HIPK3: variants seen among roughly 807,000 people sequenced by gnomAD.
The protein encoded by HIPK3 is homeodomain interacting protein kinase 3, also known as homeodomain-interacting protein kinase 3.
In HIPK3, 47 loss-of-function variants were observed where a neutral mutation model predicts 124.2. The observed-to-expected ratio is 0.38, with a 90% CI of 0.30 to 0.48. The LOEUF (loss-of-function observed/expected upper bound fraction) is 0.48, where lower values mean the gene tolerates loss of function less well. Ranked by LOEUF, HIPK3 falls within the 20% of genes least tolerant of loss-of-function variation. HIPK3 has a pLI of 0.98. For synonymous variants in HIPK3, 482 were observed against 515.2 expected (o/e 0.94, Z 0.87); for missense variants, 1,286 against 1,454.3 (o/e 0.88, Z 1.88).
chr11:33,310,268 C>CT (rs1338183894), intron 2 of HIPK3, among the ~76,000 whole-genome samples: 36,020 of 113,310 alleles, frequency 0.32, 5,363 homozygotes, highest in Middle Eastern at 0.42. Context: ...GTCTGTCTGT[C>CT]TGTCTGTCTA....
intron 1 of HIPK3, among the ~76,000 whole-genome samples, chr11:33,284,976 T>C (rs1017797352): frequency 6.6e-6 from 1 of 152,234 alleles, no homozygotes; most frequent in African/African-American, 2.4e-5. Flanking sequence ...TTTGAGTTCC[T>C]ATAGATAGGT....
rs1210105551 is a variant in HIPK3, at chr11:33,348,026, G to T, written c.2306+13G>T. ...AGTGCCAGAACAGGTTGGTATTGGT[G>T]CTTTAGCTTTCCTCTGCATTTTGAG... On this transcript the variant is annotated intron_variant, in intron 11 of 16. Coordinates refer to ENST00000303296, the MANE Select transcript of HIPK3 (RefSeq NM_005734.5). The T allele has an allele frequency of 6.2e-7, 1 of 1,613,782 alleles. No individual in the cohort carries two copies. The highest frequency in any genetic ancestry group is 2.2e-5 in the East Asian group (1 of 44,876).
In HIPK3 at chr11:33,348,231, A is replaced by G. The variant is rs1225902788; in HGVS notation, c.2369+3A>G. On this transcript the variant is annotated splice_donor_region_variant and intron_variant, in intron 12 of 16. Transcript: ENST00000303296. The stretch of plus-strand genomic sequence containing the variant: ...GAGGAAATAAATGCTTTCAGTTGGT[A>G]AGATTGTCTTTATTGCCCTTTTGAT... 3 of 1,612,360 alleles carry G rather than the reference A, an allele frequency of 1.9e-6. No homozygotes were observed. The highest frequency in any genetic ancestry group is 3.3e-5 in the Admixed American group (2 of 59,940).
At chr11:33,311,982 A>T (rs1217827900) in intron 2 of HIPK3, among the ~76,000 whole-genome samples, 2 of 148,106 alleles carry the variant, frequency 1.4e-5, no homozygotes, top group African/African-American at 4.9e-5. Context: ...TTCTACACAC[A>T]CACACACACA....
In HIPK3 at chr11:33,353,475, A is replaced by G. The variant is rs750914854; in HGVS notation, c.3555A>G (p.Pro1185=). ...SPTIHQTQYK[P]IFPPHSYIAA... ...CCATTCATCAGACTCAGTACAAACC[A>G]ATCTTCCCACCACATTCTTACATTG... The change falls in exon 17 of 17, where the codon CCA becomes CCG. Residue 1185 remains proline, a synonymous_variant. Coordinates refer to ENST00000303296, the MANE Select transcript of HIPK3 (RefSeq NM_005734.5). 1.2e-6 allele frequency: 2 copies of G among 1,614,060 alleles called. No homozygotes were observed. The highest frequency in any genetic ancestry group is 1.6e-4 in the Middle Eastern group (1 of 6,062).
At chr11:33,312,580 C>G (rs946812643) in intron 2 of HIPK3, among the ~76,000 whole-genome samples, 1 of 152,134 alleles carries the variant, frequency 6.6e-6, no homozygotes, top group Non-Finnish European at 1.5e-5. Context: ...ATGAAATATA[C>G]AAATGAGAGA....
At chr11:33,293,618 A>G (rs1228613049) in intron 2 of HIPK3, among the ~76,000 whole-genome samples, 2 of 152,114 alleles carry the variant, frequency 1.3e-5, no homozygotes, top group Non-Finnish European at 2.9e-5. Context: ...ACTTTTTATT[A>G]CCAAATAATA....
chr11:33,333,849 A>C (rs1246572996), intron 3 of HIPK3, among the ~76,000 whole-genome samples: 1 of 152,222 alleles, frequency 6.6e-6, no homozygotes, highest in African/African-American at 2.4e-5. Context: ...GTGCTTTTGA[A>C]GATTGGCACC....
intron 2 of HIPK3, among the ~76,000 whole-genome samples, chr11:33,310,715 G>C (rs1233222638): frequency 6.6e-6 from 1 of 152,332 alleles, no homozygotes; most frequent in African/African-American, 2.4e-5. Flanking sequence ...GATAGAGATA[G>C]TACAAATAGT....
In HIPK3 at chr11:33,287,358, G is replaced by C. The variant is rs938522132; in HGVS notation, c.944G>C (p.Ser315Thr). 2.0e-5 allele frequency: 32 copies of C among 1,614,046 alleles called. No homozygotes were observed. Among genetic ancestry groups the C allele is most frequent in the Non-Finnish European group, 2.3e-5 (27 of 1,180,026 alleles). Residue 315 changes from serine (S) to threonine (T), a missense_variant, in exon 2 of 17, where the codon AGT becomes ACT. Physicochemically the swap from Ser to Thr is moderately conservative, Grantham distance 58. This residue lies in a region of HIPK3 where 251 missense variants were observed against 349.1 expected (regional missense o/e 0.72). Coordinates refer to ENST00000303296, the MANE Select transcript of HIPK3 (RefSeq NM_005734.5). ...QVATALKKLKSLGLIHADLKP... is the reference protein window; with the variant it reads ...QVATALKKLKTLGLIHADLKP... Reference sequence around the variant, plus strand: ...GCCACTGCACTGAAAAAATTGAAAAGTCTTGGTTTAATTCATGCTGATCTC... The same window carrying C: ...GCCACTGCACTGAAAAAATTGAAAACTCTTGGTTTAATTCATGCTGATCTC...
chr11:33,288,325 G>C (rs1180932571), intron 2 of HIPK3, among the ~76,000 whole-genome samples: 1 of 151,910 alleles, frequency 6.6e-6, no homozygotes, highest in Non-Finnish European at 1.5e-5. Flanking sequence ...TGTGGTGGTG[G>C]GTGTCTATAA....
chr11:33,318,169 G>A (rs1010829857), intron 2 of HIPK3, among the ~76,000 whole-genome samples: 1 of 152,120 alleles, frequency 6.6e-6, no homozygotes, highest in Admixed American at 6.5e-5. Context: ...GAGAAATGCA[G>A]CATCTAAGTC....
intron 3 of HIPK3, among the ~76,000 whole-genome samples, chr11:33,334,905 T>C (rs955085878): frequency 2.0e-5 from 3 of 152,132 alleles, no homozygotes; most frequent in African/African-American, 7.2e-5. Flanking sequence ...GGTAGAATAA[T>C]CAGGAGGCTT....
rs1853792471 is a variant in HIPK3, at chr11:33,355,528, A to G, written c.*1960A>G. The stretch of plus-strand genomic sequence containing the variant: ...AAAGCATTGGAGTGTAAAACTCTAG[A>G]TGTTTTGGATTTACAGCGTTTCTTT... On this transcript the variant is annotated 3_prime_UTR_variant, in exon 17 of 17. Transcript: ENST00000303296. 2 of 151,994 alleles carry G rather than the reference A, an allele frequency of 1.3e-5. No individual in the cohort carries two copies. Among genetic ancestry groups the G allele is most frequent in the African/African-American group, 4.8e-5 (2 of 41,442 alleles). 9.4% of individuals were successfully genotyped at this position (151,994 alleles called of 1,614,324 possible). A position where few individuals can be genotyped will look rare whatever the true frequency, so the allele number is the denominator to read the frequency against.
Position 33,257,572 on chromosome 11 carries a change from C to A in HIPK3, c.-320C>A. On this transcript the variant is annotated 5_prime_UTR_variant, in exon 1 of 17. Transcript: ENST00000303296. ...TAGGCCCCAGTAGCCGGAGGCCGAC[C>A]GGCCTCCCACTACCCCTCGCCCTAG... 3 of 985,828 alleles carry A rather than the reference C, an allele frequency of 3.0e-6. No individual in the cohort carries two copies. Among genetic ancestry groups the A allele is most frequent in the Non-Finnish European group, 3.6e-6 (3 of 830,136 alleles). The allele number at this position is 985,828 out of a possible 1,614,324, so 61.1% of individuals were successfully genotyped here. A position where few individuals can be genotyped will look rare whatever the true frequency, so the allele number is the denominator to read the frequency against.
chr11:33,258,712 C>T (rs1850742955), intron 1 of HIPK3: 1 of 985,318 alleles, frequency 1.0e-6, no homozygotes, highest in Non-Finnish European at 1.2e-6. Flanking sequence ...TCGGGGAATC[C>T]TGTTGTTCCC....
In HIPK3 at chr11:33,322,803, G is replaced by A. The variant is rs530958704; in HGVS notation, c.1098-5707G>A. 5.9e-5 allele frequency among the ~76,000 whole-genome samples: 9 copies of A among 152,336 alleles called. No homozygotes were observed. In the South Asian group the frequency reaches 1.9e-3, roughly 32 times the overall value. ...GCTGCGCCACTGCACTCCAGCCTGG[G>A]TGACAGAGCGAGACTCCGTCTCAGA... On this transcript the variant is annotated intron_variant, in intron 2 of 16. Transcript: ENST00000303296.
chr11:33,261,453 G>A (rs923099222), intron 1 of HIPK3, among the ~76,000 whole-genome samples: 2 of 151,980 alleles, frequency 1.3e-5, no homozygotes, highest in Non-Finnish European at 2.9e-5. Context: ...ACTTATAAGT[G>A]AGAATGTGTG....
chr11:33,334,150 G>A (rs2133976128), intron 3 of HIPK3, among the ~76,000 whole-genome samples: 1 of 152,202 alleles, frequency 6.6e-6, no homozygotes. Context: ...GACTGTTATT[G>A]GAAGGCACAC....
Sources: allele counts gnomAD v4.1 joint callset (sites outside exome capture counted in the v4.1 genomes callset), GRCh38; gene constraint gnomAD v4.1.1; regional missense constraint gnomAD v4.1.1; transcripts MANE v1.5; gene names NCBI Gene and HGNC (gene_info 2026-07-23, HGNC 2026-07-21).